Variants in SFRP5 observed in about 807,000 individuals in gnomAD.
SFRP5 encodes secreted frizzled related protein 5.
A neutral mutation model predicts 27.0 loss-of-function variants in SFRP5; 22 were observed. The ratio of observed to expected loss-of-function variants is 0.82; its 90% CI spans 0.58 to 1.17. The LOEUF (loss-of-function observed/expected upper bound fraction) is 1.17, where lower values mean the gene tolerates loss of function less well. SFRP5 is among the 50% of genes most tolerant of loss of function. The pLI is 0.00. For synonymous variants in SFRP5, 171 were observed against 195.0 expected (o/e 0.88, Z 1.03); for missense variants, 406 against 436.6 (o/e 0.93, Z 0.63).
At position 97,767,571 on chromosome 10, in the gene SFRP5, G is replaced by T. The variant is rs747530424; in HGVS notation, c.897C>A (p.Phe299Leu). 2.5e-6 allele frequency: 4 copies of T among 1,613,440 alleles called. No individual in the cohort carries two copies. The highest frequency in any genetic ancestry group is 3.4e-6 in the Non-Finnish European group (4 of 1,180,018). The stretch of plus-strand genomic sequence containing the variant: ...GGTAGTAGAGGGAGCAGGGGTAGGA[G>T]AACATGAATTTGACTGCAAACTTCA... Reference protein sequence around the residue: ...KEMKFAVKFMFSYPCSLYYPF... With the variant: ...KEMKFAVKFMLSYPCSLYYPF... Residue 299 changes from phenylalanine to leucine, a missense_variant, in exon 3 of 3, where the codon TTC becomes TTA. Phe to Leu is a conservative substitution (Grantham distance 22). Coordinates refer to ENST00000266066, the MANE Select transcript of SFRP5 (RefSeq NM_003015.3).
At chr10:97,768,688 G>A (rs1372950775) in intron 2 of SFRP5, among the ~76,000 whole-genome samples, 2 of 152,078 alleles carry the variant, frequency 1.3e-5, no homozygotes, top group African/African-American at 2.4e-5. Context: ...TTCCTTTGGG[G>A]GGCTAGGATG....
Position 97,767,755 on chromosome 10 carries a change from T to C in SFRP5, c.713A>G (p.Lys238Arg). 1 of 1,602,542 alleles carries C rather than the reference T, an allele frequency of 6.2e-7. No homozygotes were observed. The highest frequency in any genetic ancestry group is 1.1e-5 in the South Asian group (1 of 89,684). ...GTGCAGCACCAGCCGCTTGGTGTCCTTGCGCTTCAGGGGGCCCGGCTTGAG... is the reference window on the plus strand; with the variant it reads ...GTGCAGCACCAGCCGCTTGGTGTCCCTGCGCTTCAGGGGGCCCGGCTTGAG... The part of the protein sequence containing the change: ...KLLKPGPLKR[K>R]DTKRLVLHMK... Residue 238 changes from lysine to arginine, a missense_variant, in exon 3 of 3, where the codon AAG becomes AGG. Coordinates refer to ENST00000266066, the MANE Select transcript of SFRP5 (RefSeq NM_003015.3).
At position 97,767,622 on chromosome 10, in the gene SFRP5, G is replaced by A; in HGVS notation, c.846C>T (p.Tyr282=). ...TCTCCTTATTCTTCTTGTCCCAGCG[G>A]TAGACGGCCATGAGCAGCAGCTGTC... ...VDGQLLLMAV[Y]RWDKKNKEMK... The change falls in exon 3 of 3, where the codon TAC becomes TAT. Residue 282 remains tyrosine (Y), a synonymous_variant. Transcript: ENST00000266066. 1 of 1,613,906 alleles carries A rather than the reference G, an allele frequency of 6.2e-7. No homozygotes were observed.
In SFRP5 at chr10:97,771,756, C is replaced by G. The variant is rs1184087161; in HGVS notation, c.78G>C (p.Pro26=). 6.3e-7 allele frequency: 1 copy of G among 1,589,924 alleles called. No homozygotes were observed. Among genetic ancestry groups the G allele is most frequent in the South Asian group, 1.1e-5 (1 of 90,116 alleles). The change falls in exon 1 of 3, where the codon CCG becomes CCC. Residue 26 remains proline (P), a synonymous_variant. Coordinates refer to ENST00000266066, the MANE Select transcript of SFRP5 (RefSeq NM_003015.3). This position sits in a 1 kb window ranked among gnomAD's most constrained non-coding sequence, Gnocchi z 5.2. ...AGTAGTCGTACTCCTCGCAGCGCGC[C>G]GGCGCCCAGTGCAGCGCCCCCAGCA... ...ALLLGALHWA[P]ARCEEYDYYG... is the part of the protein sequence containing the mutation.
intron 1 of SFRP5, 123 bp from the exon 2 acceptor site, chr10:97,769,868 C>T: frequency 1.5e-6 from 1 of 688,982 alleles, no homozygotes; most frequent in Non-Finnish European, 2.7e-6. Context: ...CCTCTACTTC[C>T]TTATCAGGAG....
Position 97,767,417 on chromosome 10 carries a change from G to T in SFRP5, c.*97C>A, listed in dbSNP as rs548262755. 4.2e-6 allele frequency: 4 copies of T among 952,216 alleles called. No homozygotes were observed. The highest frequency in any genetic ancestry group is 1.7e-5 in the South Asian group (1 of 59,478). The allele number at this position is 952,216 out of a possible 1,614,324, so 59.0% of individuals were successfully genotyped here. ...AGGCCTTGTGCCAGTAACAACATTCGTGAAAACACCCTCCAGTAGGGCCGG... is the reference window on the plus strand; with the variant it reads ...AGGCCTTGTGCCAGTAACAACATTCTTGAAAACACCCTCCAGTAGGGCCGG... On this transcript the variant is annotated 3_prime_UTR_variant, in exon 3 of 3. Transcript: ENST00000266066.
chr10:97,771,245 G>C lies in SFRP5; in HGVS notation c.529+60C>G. The C allele has an allele frequency of 8.9e-7, 1 of 1,124,370 alleles. No homozygotes were observed. The highest frequency in any genetic ancestry group is 2.6e-5 in the East Asian group (1 of 38,188). The allele number at this position is 1,124,370 out of a possible 1,614,324, so 69.6% of individuals were successfully genotyped here. A position where few individuals can be genotyped will look rare whatever the true frequency, so the allele number is the denominator to read the frequency against. On this transcript the variant is annotated intron_variant, in intron 1 of 2. Transcript: ENST00000266066. The surrounding 1 kb of genome is among the most constrained non-coding windows in gnomAD (Gnocchi z 5.2). ...CTGCACCTCTTGGGGGGTTCGCAGA[G>C]CTGTGCTAGGGGAGCTGCAGGGCCG...
In SFRP5 at chr10:97,771,273, G is replaced by A. The variant is rs761206467; in HGVS notation, c.529+32C>T. The A allele has an allele frequency of 3.0e-5, 44 of 1,469,100 alleles. No homozygotes were observed. The South Asian group carries it at 5.4e-4, about 18-fold the overall frequency. The allele number at this position is 1,469,100 out of a possible 1,614,324, so 91.0% of individuals were successfully genotyped here. The stretch of plus-strand genomic sequence containing the variant: ...GTGCTAGGGGAGCTGCAGGGCCGTC[G>A]GAGCGCGCGGGGACGGCGGCGGCGG... On this transcript the variant is annotated intron_variant, in intron 1 of 2. Transcript: ENST00000266066. This position sits in a 1 kb window ranked among gnomAD's most constrained non-coding sequence, Gnocchi z 5.2.
chr10:97,768,594 T>C (rs1025994264), intron 2 of SFRP5, among the ~76,000 whole-genome samples: 2 of 151,956 alleles, frequency 1.3e-5, no homozygotes, highest in Non-Finnish European at 1.5e-5. Flanking sequence ...GAGAGAGAGA[T>C]TGTACGGTGG....
Position 97,771,354 on chromosome 10 carries a change from G to C in SFRP5, c.480C>G (p.Asp160Glu), listed in dbSNP as rs939491378. The change falls in exon 1 of 3, where the codon GAC (aspartate) becomes GAG (glutamate). Residue 160 changes from aspartate to glutamate, a missense_variant. By Grantham distance (45) the Asp-to-Glu change is conservative. Coordinates refer to ENST00000266066, the MANE Select transcript of SFRP5 (RefSeq NM_003015.3). The surrounding 1 kb of genome is among the most constrained non-coding windows in gnomAD (Gnocchi z 5.2). ...GCCCGAACTGCACGGCGATGCAGAG[G>C]TCGTTGTCCAGGGGGAACTTGTGGC... ...LHCHKFPLDN[D>E]LCIAVQFGHL... The C allele has an allele frequency of 5.0e-6, 8 of 1,609,316 alleles. No individual in the cohort carries two copies. Among genetic ancestry groups the C allele is most frequent in the Non-Finnish European group, 6.8e-6 (8 of 1,177,950 alleles).
rs1164288705 is a variant in SFRP5 at position 97,766,772 on chromosome 10, T to C, written c.*742A>G. 1 of 152,152 alleles carries C rather than the reference T, an allele frequency of 6.6e-6. No homozygotes were observed. Among genetic ancestry groups the C allele is most frequent in the Non-Finnish European group, 1.5e-5 (1 of 68,030 alleles). The allele number at this position is 152,152 out of a possible 1,614,324, so 9.4% of individuals were successfully genotyped here. A position where few individuals can be genotyped will look rare whatever the true frequency, so the allele number is the denominator to read the frequency against. On this transcript the variant is annotated 3_prime_UTR_variant, in exon 3 of 3. Transcript: ENST00000266066. ...CCAGTTATTGTTTTCTTTGATTTAA[T>C]TAAAAAGTTAAAAAAATTAGAAAAC... is the stretch of plus-strand genomic sequence containing the variant.
At chr10:97,769,284 C>T (rs1054749441) in intron 2 of SFRP5, among the ~76,000 whole-genome samples, 2 of 152,202 alleles carry the variant, frequency 1.3e-5, no homozygotes, top group Non-Finnish European at 2.9e-5. Context: ...AAGGGTGCTC[C>T]ACTTCCATCC....
chr10:97,767,493 C>A lies in SFRP5; in HGVS notation c.*21G>T. On this transcript the variant is annotated 3_prime_UTR_variant, in exon 3 of 3. Transcript: ENST00000266066. ...CAGAGGGCAAGCAAGGCACAGCTGG[C>A]AGGGCAAGGAGGAGTGCCCTTCAGT... 1 of 1,546,268 alleles carries A rather than the reference C, an allele frequency of 6.5e-7. No individual in the cohort carries two copies. Among genetic ancestry groups the A allele is most frequent in the Non-Finnish European group, 8.8e-7 (1 of 1,136,706 alleles).
rs141854467 is a variant in SFRP5 at position 97,767,603 on chromosome 10, T to C, written c.865A>G (p.Lys289Glu). The C allele has an allele frequency of 6.2e-7, 1 of 1,613,700 alleles. No homozygotes were observed. The highest frequency in any genetic ancestry group is 1.3e-5 in the African/African-American group (1 of 75,032). ...MAVYRWDKKN[K>E]EMKFAVKFMF... ...AATTTGACTGCAAACTTCATCTCCT[T>C]ATTCTTCTTGTCCCAGCGGTAGACG... is the stretch of plus-strand genomic sequence containing the variant. The change falls in exon 3 of 3, where the codon AAG becomes GAG. Residue 289 changes from lysine to glutamate, a missense_variant. Lys to Glu is a moderately conservative substitution (Grantham distance 56, BLOSUM62 1). Transcript: ENST00000266066.
rs1457876456 is a variant in SFRP5 at position 97,771,804 on chromosome 10, C to T, written c.30G>A (p.Val10=). 1 of 1,244,564 alleles carries T rather than the reference C, an allele frequency of 8.0e-7. No homozygotes were observed. The highest frequency in any genetic ancestry group is 1.0e-6 in the Non-Finnish European group (1 of 1,000,748). The allele number at this position is 1,244,564 out of a possible 1,614,324, so 77.1% of individuals were successfully genotyped here. ...GCAGCAGCGCCAGCGCGGCCGTCCG[C>T]ACGCCCCCCCCCGCCGCCGCCGCCC... MRAAAAGGG[V]RTAALALLLG... Residue 10 remains valine, a synonymous_variant, in exon 1 of 3, where the codon GTG becomes GTA. Transcript: ENST00000266066. The surrounding 1 kb of genome is among the most constrained non-coding windows in gnomAD (Gnocchi z 5.2).
At chr10:97,769,156 G>T (rs751149918) in intron 2 of SFRP5, among the ~76,000 whole-genome samples, 1 of 152,194 alleles carries the variant, frequency 6.6e-6, no homozygotes, top group Non-Finnish European at 1.5e-5. Flanking sequence ...GGTCCTGACC[G>T]GACTTGGCTG....
chr10:97,771,981 C>G lies in SFRP5; in HGVS notation c.-148G>C. 1 of 475,960 alleles carries G rather than the reference C, an allele frequency of 2.1e-6. No homozygotes were observed. The highest frequency in any genetic ancestry group is 2.8e-6 in the Non-Finnish European group (1 of 361,944). The allele number at this position is 475,960 out of a possible 1,614,324, so 29.5% of individuals were successfully genotyped here. On this transcript the variant is annotated 5_prime_UTR_variant, in exon 1 of 3. Coordinates refer to ENST00000266066, the MANE Select transcript of SFRP5 (RefSeq NM_003015.3). This position sits in a 1 kb window ranked among gnomAD's most constrained non-coding sequence, Gnocchi z 5.2. ...GGTCGCCCAGGTGGGTGGCAGCCTG[C>G]GCTGCGGGCGCCCCGACTGATCCTG...
intron 1 of SFRP5, 33 bp from the exon 2 acceptor site, chr10:97,769,778 CAGTT>C: frequency 1.3e-6 from 2 of 1,541,522 alleles, no homozygotes; most frequent in Non-Finnish European, 1.8e-6. Context: ...GGTTGGGGGA[CAGTT>C]GGTGAGGGGA....
Position 97,771,482 on chromosome 10 carries a change from C to T in SFRP5, c.352G>A (p.Asp118Asn). 1 of 1,610,890 alleles carries T rather than the reference C, an allele frequency of 6.2e-7. No individual in the cohort carries two copies. Among genetic ancestry groups the T allele is most frequent in the Non-Finnish European group, 8.5e-7 (1 of 1,177,830 alleles). The stretch of plus-strand genomic sequence containing the variant: ...GAGCGGCACGGGTAGATGGGCCGGT[C>T]GAGACAGACGGGCGCAAAGAGCGAG... The part of the protein sequence containing the change: ...LCSLFAPVCL[D>N]RPIYPCRSLC... Residue 118 changes from aspartate to asparagine, a missense_variant, in exon 1 of 3, where the codon GAC (aspartate) becomes AAC (asparagine). Transcript: ENST00000266066. This position sits in a 1 kb window ranked among gnomAD's most constrained non-coding sequence, Gnocchi z 5.2.
Sources: gnomAD v4.1 joint callset for allele counts (sites outside exome capture counted in the v4.1 genomes callset) on GRCh38, gnomAD v4.1.1 for gene constraint, Gnocchi (gnomAD v3.1) non-coding constraint, MANE v1.5 for transcripts, NCBI Gene and HGNC (gene_info 2026-07-23, HGNC 2026-07-21) for gene names.